GRM1: variants seen among roughly 807,000 people sequenced by gnomAD.
The protein encoded by GRM1 is glutamate metabotropic receptor 1, also known as metabotropic glutamate receptor 1.
In GRM1, 33 loss-of-function variants were observed where a neutral mutation model predicts 90.9. The observed-to-expected ratio is 0.36, with a 90% confidence interval of 0.28 to 0.49. The LOEUF is 0.49. GRM1 is among the 20% of genes least tolerant of loss of function. The pLI, the probability that GRM1 is intolerant of heterozygous loss-of-function variation, is 0.99. For synonymous variants in GRM1, 700 were observed against 613.2 expected (o/e 1.14, Z -2.09); for missense variants, 1,190 against 1,534.3 (o/e 0.78, Z 3.75).
At chr6:146,416,330 A>G (rs1384330300) in intron 7 of GRM1, among the ~76,000 whole-genome samples, 1 of 152,022 alleles carries the variant, frequency 6.6e-6, no homozygotes, top group Non-Finnish European at 1.5e-5. Flanking sequence ...TCAAAATAAT[A>G]ATCACTAGTA....
At chr6:146,241,235 A>G (rs2114733624) in intron 2 of GRM1, among the ~76,000 whole-genome samples, 1 of 152,162 alleles carries the variant, frequency 6.6e-6, no homozygotes, top group East Asian at 1.9e-4. Flanking sequence ...TTGAAGAGGG[A>G]GGCATTCTGC....
At chr6:146,132,866 A>G (rs765199496) in intron 1 of GRM1, among the ~76,000 whole-genome samples, 4 of 152,186 alleles carry the variant, frequency 2.6e-5, no homozygotes, top group East Asian at 1.9e-4. Context: ...TATCTAGTGC[A>G]TGGGATTTCT....
At chr6:146,349,665 T>A (rs1013653892) in intron 3 of GRM1, among the ~76,000 whole-genome samples, 4 of 152,298 alleles carry the variant, frequency 2.6e-5, no homozygotes, top group Admixed American at 2.6e-4. Flanking sequence ...TACAAGAATT[T>A]AAGTCCGGAG....
chr6:146,393,902 T>C (rs753676087), intron 6 of GRM1, among the ~76,000 whole-genome samples: 1 of 152,136 alleles, frequency 6.6e-6, no homozygotes, highest in Non-Finnish European at 1.5e-5. Flanking sequence ...AACTTGGTAC[T>C]GGTACCAAGC....
intron 2 of GRM1, among the ~76,000 whole-genome samples, chr6:146,162,748 A>G (rs941553913): frequency 6.6e-6 from 1 of 152,148 alleles, no homozygotes; most frequent in African/African-American, 2.4e-5. Context: ...AGAAAAATGG[A>G]CTTTTAAAAA....
chr6:146,342,349 T>C (rs922388044), intron 3 of GRM1, among the ~76,000 whole-genome samples: 3 of 152,236 alleles, frequency 2.0e-5, no homozygotes, highest in African/African-American at 7.2e-5. Flanking sequence ...GATTATATAT[T>C]GTCTGCAATC....
At position 146,115,638 on chromosome 6, in the gene GRM1, T is replaced by C. The variant is rs367672880; in HGVS notation, c.701-43710T>C. 4.6e-5 allele frequency among the ~76,000 whole-genome samples: 7 copies of C among 152,306 alleles called. No individual in the cohort carries two copies. The South Asian group carries it at 1.5e-3, about 32-fold the overall frequency. ...TTTTAATACCGTCTTCCCATTCATA[T>C]AGGTCTGGCATATTTTTGGTGTTTA... is the stretch of plus-strand genomic sequence containing the variant. On this transcript the variant is annotated intron_variant, in intron 1 of 7. Transcript: ENST00000282753.
intron 2 of GRM1, among the ~76,000 whole-genome samples, chr6:146,274,952 T>C (rs906248661): frequency 6.6e-6 from 1 of 151,844 alleles, no homozygotes; most frequent in Non-Finnish European, 1.5e-5. Flanking sequence ...ATGGTTTGAA[T>C]CCAGGAGGTG....
intron 1 of GRM1, among the ~76,000 whole-genome samples, chr6:146,086,972 C>CA (rs1254085366): frequency 6.6e-6 from 1 of 151,996 alleles, no homozygotes; most frequent in African/African-American, 2.4e-5. Flanking sequence ...AGATTTCCCC[C>CA]CTTTAAAAAA....
At chr6:146,313,515 C>T (rs540954427) in intron 3 of GRM1, among the ~76,000 whole-genome samples, 2 of 152,184 alleles carry the variant, frequency 1.3e-5, no homozygotes, top group East Asian at 3.9e-4. Context: ...CTAAAAGTGT[C>T]GCTTCTCATC....
At chr6:146,353,625 T>A (rs763892248) in intron 4 of GRM1, among the ~76,000 whole-genome samples, 9 of 152,192 alleles carry the variant, frequency 5.9e-5, no homozygotes, top group Non-Finnish European at 1.3e-4. Flanking sequence ...GCAACGTGGC[T>A]GGCAATCTTC....
At chr6:146,032,087 A>G (rs1316886762) in intron 1 of GRM1, among the ~76,000 whole-genome samples, 1 of 152,136 alleles carries the variant, frequency 6.6e-6, no homozygotes, top group African/African-American at 2.4e-5. Context: ...ATGTTTTTGG[A>G]AAATGAATTG....
chr6:146,334,985 G>A (rs362952), intron 3 of GRM1, among the ~76,000 whole-genome samples: 16,114 of 151,926 alleles, frequency 0.11, 1,639 homozygotes, highest in African/African-American at 0.27. Flanking sequence ...TTGAAATTTA[G>A]CCAAAATTTA....
At chr6:146,090,658 A>G (rs375042424) in intron 1 of GRM1, among the ~76,000 whole-genome samples, 3 of 152,184 alleles carry the variant, frequency 2.0e-5, no homozygotes, top group East Asian at 3.9e-4. Flanking sequence ...AGAAAACCAC[A>G]CAGACTATGA....
Position 146,308,875 on chromosome 6 carries a change from G to A in GRM1, c.1186+4029G>A, listed in dbSNP as rs773287504. ...ATACATTGATACATTTGTCTTTGTC[G>A]TTAAATTCTTTTATTCTTAATGGCT... On this transcript the variant is annotated intron_variant, in intron 3 of 7. Coordinates refer to ENST00000282753, the MANE Select transcript of GRM1 (RefSeq NM_001278064.2). Among the ~76,000 whole-genome samples the A allele has an allele frequency of 2.2e-4, 33 of 151,798 alleles. 1 individual carries two copies. Among genetic ancestry groups the A allele is most frequent in the African/African-American group, 7.0e-4 (29 of 41,338 alleles).
chr6:146,055,100 A>T (rs968538584), intron 1 of GRM1, among the ~76,000 whole-genome samples: 1 of 152,096 alleles, frequency 6.6e-6, no homozygotes, highest in African/African-American at 2.4e-5. Flanking sequence ...TTAATACAGC[A>T]CCTGGCACAT....
At chr6:146,279,292 A>G (rs180911520) in intron 2 of GRM1, among the ~76,000 whole-genome samples, 6 of 152,272 alleles carry the variant, frequency 3.9e-5, no homozygotes, top group African/African-American at 1.4e-4. Context: ...AATAATTTCA[A>G]ATAATGACTT....
rs1281881610 is a variant in GRM1 at position 146,289,439 on chromosome 6, GTTA to G, written c.951-15167_951-15165del. 3.3e-5 allele frequency among the ~76,000 whole-genome samples: 5 copies of G among 152,280 alleles called. No homozygotes were observed. In the South Asian group the frequency reaches 6.2e-4, roughly 19 times the overall value. ...AATGTATTTGTGTTTCAAGCTAAGTGTTATTATGAAAGAGTCAGACAATTTTTA... is the reference window on the plus strand; with the variant it reads ...AATGTATTTGTGTTTCAAGCTAAGTGTTATGAAAGAGTCAGACAATTTTTA... On this transcript the variant is annotated intron_variant, in intron 2 of 7. Transcript: ENST00000282753.
At chr6:146,383,576 C>T (rs2115133628) in intron 5 of GRM1, among the ~76,000 whole-genome samples, 1 of 152,170 alleles carries the variant, frequency 6.6e-6, no homozygotes, top group South Asian at 2.1e-4. Context: ...TTAATTGACT[C>T]TACTTTCAAA....
Sources: allele counts gnomAD v4.1 joint callset (sites outside exome capture counted in the v4.1 genomes callset), GRCh38; gene constraint gnomAD v4.1.1; transcripts MANE v1.5; gene names NCBI Gene and HGNC (gene_info 2026-07-23, HGNC 2026-07-21).